CNTNAP2: variants seen among roughly 807,000 people sequenced by gnomAD.
CNTNAP2 encodes contactin-associated protein-like 2.
CNTNAP2 carries 98 observed loss-of-function variants against 155.2 expected under a neutral mutation model. The observed-to-expected ratio is 0.63, with a 90% CI of 0.54 to 0.75. The LOEUF (loss-of-function observed/expected upper bound fraction) is 0.75. Among genes scored for constraint, CNTNAP2 ranks in the 30% least tolerant of loss-of-function variants. The probability of loss-of-function intolerance (pLI) is 0.00; values close to 1 mark genes in which losing one functional copy is unlikely to be tolerated. For synonymous variants in CNTNAP2, 651 were observed against 631.2 expected (o/e 1.03, Z -0.47); for missense variants, 1,727 against 1,688.1 (o/e 1.02, Z -0.40).
At chr7:147,869,680 T>C (rs10233374) in intron 13 of CNTNAP2, among the ~76,000 whole-genome samples, 115,448 of 152,122 alleles carry the variant, frequency 0.76, 44,840 homozygotes, top group African/African-American at 0.94. Context: ...GAGGGATGTA[T>C]AAGTGTCCCT....
At chr7:147,701,571 G>A (rs73741881) in intron 13 of CNTNAP2, among the ~76,000 whole-genome samples, 2,989 of 152,086 alleles carry the variant, frequency 0.02, 96 homozygotes, top group African/African-American at 0.067. Flanking sequence ...GTCTTCTAAC[G>A]GCTTTTTTCA....
intron 11 of CNTNAP2, among the ~76,000 whole-genome samples, chr7:147,504,515 C>G (rs1458349143): frequency 2.0e-5 from 3 of 151,790 alleles, no homozygotes; most frequent in Admixed American, 6.6e-5. Context: ...ATGGTGAAAC[C>G]TCATCTCTAC....
intron 1 of CNTNAP2, among the ~76,000 whole-genome samples, chr7:146,482,419 A>C (rs1407530696): frequency 2.0e-5 from 3 of 147,640 alleles, no homozygotes; most frequent in African/African-American, 5.2e-5. Context: ...ATATATATAT[A>C]TCTGTGCATG....
chr7:146,513,172 T>A (rs1797492911), intron 1 of CNTNAP2, among the ~76,000 whole-genome samples: 2 of 151,970 alleles, frequency 1.3e-5, no homozygotes, highest in Non-Finnish European at 1.5e-5. Flanking sequence ...ACTTTTATCC[T>A]ATTTGTGTCT....
At chr7:148,009,980 T>C (rs1363397737) in intron 15 of CNTNAP2, among the ~76,000 whole-genome samples, 2 of 152,112 alleles carry the variant, frequency 1.3e-5, no homozygotes, top group African/African-American at 2.4e-5. Flanking sequence ...TGTGGAGTTA[T>C]TCAGTTTTAA....
At chr7:147,730,168 A>G (rs1299410772) in intron 13 of CNTNAP2, among the ~76,000 whole-genome samples, 1 of 152,094 alleles carries the variant, frequency 6.6e-6, no homozygotes, top group African/African-American at 2.4e-5. Context: ...AGGATTTCCA[A>G]AGAAGTGGGC....
chr7:147,155,166 C>T (rs1584760296), intron 8 of CNTNAP2, among the ~76,000 whole-genome samples: 1 of 152,142 alleles, frequency 6.6e-6, no homozygotes, highest in Non-Finnish European at 1.5e-5. Context: ...AGGACAAAAC[C>T]CTCATGAGTG....
chr7:146,411,871 C>G (rs974925455), intron 1 of CNTNAP2, among the ~76,000 whole-genome samples: 1 of 151,394 alleles, frequency 6.6e-6, no homozygotes, highest in Non-Finnish European at 1.5e-5. Flanking sequence ...GAGTCTCTCT[C>G]TGTTGCCCAG....
chr7:146,658,479 C>G (rs549098871), intron 1 of CNTNAP2, among the ~76,000 whole-genome samples: 1 of 151,486 alleles, frequency 6.6e-6, no homozygotes, highest in Admixed American at 6.6e-5. Flanking sequence ...TGTTATTATA[C>G]CATATCTGGA....
chr7:146,348,503 A>C (rs1478312770), intron 1 of CNTNAP2, among the ~76,000 whole-genome samples: 3 of 152,170 alleles, frequency 2.0e-5, no homozygotes. Context: ...AAGTTAAAAC[A>C]AACTAGGATT....
intron 11 of CNTNAP2, among the ~76,000 whole-genome samples, chr7:147,559,764 C>G (rs1018091227): frequency 6.6e-6 from 1 of 151,440 alleles, no homozygotes; most frequent in Admixed American, 6.6e-5. Context: ...AAAAAATTAA[C>G]AAAACAGTTT....
At chr7:147,654,805 T>C (rs917206351) in intron 13 of CNTNAP2, among the ~76,000 whole-genome samples, 3 of 141,680 alleles carry the variant, frequency 2.1e-5, no homozygotes, top group Non-Finnish European at 4.5e-5. Context: ...GCAAAATATA[T>C]TTCTTTTTTT....
chr7:147,491,109 A>G (rs1798602068), intron 11 of CNTNAP2, among the ~76,000 whole-genome samples: 1 of 152,120 alleles, frequency 6.6e-6, no homozygotes, highest in East Asian at 1.9e-4. Context: ...AGGTATCTAA[A>G]ATAAAATTTA....
At position 146,721,242 on chromosome 7, in the gene CNTNAP2, C is replaced by G. The variant is rs994529581; in HGVS notation, c.98-53029C>G. On this transcript the variant is annotated intron_variant, in intron 1 of 23. Coordinates refer to ENST00000361727, the MANE Select transcript of CNTNAP2 (RefSeq NM_014141.6). ...TCTATATATATTCTCTATATACTCT[C>G]TCTATATTCTCTATATACTCTCTAT... Among the ~76,000 whole-genome samples, 3 of 123,232 alleles carry G rather than the reference C, an allele frequency of 2.4e-5. No individual in the cohort carries two copies. The East Asian group carries it at 8.4e-4, about 34-fold the overall frequency. The allele number at this position is 123,232 out of a possible 152,430, so 80.8% of individuals were successfully genotyped here.
chr7:147,732,318 C>G (rs901791675), intron 13 of CNTNAP2, among the ~76,000 whole-genome samples: 9 of 151,712 alleles, frequency 5.9e-5, no homozygotes, highest in South Asian at 2.1e-4. Flanking sequence ...ATAGTTTGCT[C>G]AGAATGATGG....
chr7:147,980,357 C>T (rs749915548), intron 15 of CNTNAP2, among the ~76,000 whole-genome samples: 25 of 152,088 alleles, frequency 1.6e-4, no homozygotes, highest in Non-Finnish European at 3.4e-4. Flanking sequence ...TTTTTAGAAC[C>T]TATTATCAAA....
At chr7:148,297,162 A>AAAAAAG (rs1289311016) in intron 21 of CNTNAP2, among the ~76,000 whole-genome samples, 3 of 143,786 alleles carry the variant, frequency 2.1e-5, no homozygotes, top group Non-Finnish European at 3.0e-5. Flanking sequence ...AGGGAGATAG[A>AAAAAAG]GAAAAGGAAG....
At chr7:146,201,703 A>G (rs561366138) in intron 1 of CNTNAP2, among the ~76,000 whole-genome samples, 131 of 151,810 alleles carry the variant, frequency 8.6e-4, no homozygotes, top group African/African-American at 3.1e-3. Context: ...TTATTAAGGA[A>G]GAACTGAAAA....
chr7:147,176,869 A>ATAATTATAATATATAATTATATATTATAG (rs1802357662), intron 8 of CNTNAP2, among the ~76,000 whole-genome samples: 1 of 128,998 alleles, frequency 7.8e-6, no homozygotes, highest in African/African-American at 3.0e-5. Flanking sequence ...ATATTATAGA[A>ATAATTATAATATATAATTATATATTATAG]TAATTATAAT....
Sources: gnomAD v4.1 joint callset for allele counts (sites outside exome capture counted in the v4.1 genomes callset) on GRCh38, gnomAD v4.1.1 for gene constraint, MANE v1.5 for transcripts, NCBI Gene and HGNC (gene_info 2026-07-23, HGNC 2026-07-21) for gene names.